The following NEK1 variants were observed in gnomAD, a reference collection of about 807,000 sequenced individuals.
The protein encoded by NEK1 is serine/threonine-protein kinase Nek1.
A neutral mutation model predicts 182.1 loss-of-function variants in NEK1; 137 were observed. That is an observed-to-expected ratio of 0.75 (90% CI 0.65 to 0.87). The LOEUF (loss-of-function observed/expected upper bound fraction) is 0.87. Ranked by LOEUF, NEK1 falls within the 40% of genes least tolerant of loss-of-function variation. NEK1 has a pLI of 0.00. For synonymous variants in NEK1, 513 were observed against 492.2 expected (o/e 1.04, Z -0.56); for missense variants, 1,391 against 1,494.4 (o/e 0.93, Z 1.14).
intron 18 of NEK1, among the ~76,000 whole-genome samples, chr4:169,546,370 T>C (rs535505626): frequency 6.6e-6 from 1 of 152,338 alleles, no homozygotes; most frequent in Admixed American, 6.5e-5. Flanking sequence ...TTTCCATTCT[T>C]TTGCATTTGC....
intron 26 of NEK1, among the ~76,000 whole-genome samples, chr4:169,476,112 A>G (rs1194840489): frequency 6.6e-6 from 1 of 152,180 alleles, no homozygotes; most frequent in Admixed American, 6.5e-5. Context: ...AGGAAGCATG[A>G]AGAAAACTAT....
At chr4:169,556,156 A>T in intron 16 of NEK1, 61 bp from the exon 17 acceptor site, 1 of 1,427,352 alleles carries the variant, frequency 7.0e-7, no homozygotes, top group South Asian at 1.4e-5. Context: ...GGCCTGTACT[A>T]GTCTCAAAAG....
intron 19 of NEK1, among the ~76,000 whole-genome samples, chr4:169,532,544 C>T (rs990210950): frequency 7.2e-5 from 11 of 151,998 alleles, no homozygotes; most frequent in Non-Finnish European, 1.0e-4. Context: ...GTGGTGATAA[C>T]GAGGGAGGCT....
chr4:169,480,739 T>A (rs1747840324), intron 23 of NEK1, among the ~76,000 whole-genome samples: 1 of 152,156 alleles, frequency 6.6e-6, no homozygotes, highest in Non-Finnish European at 1.5e-5. Flanking sequence ...TAAAAATATT[T>A]TTAAAATTCT....
intron 18 of NEK1, among the ~76,000 whole-genome samples, chr4:169,538,515 G>A (rs2149816261): frequency 6.6e-6 from 1 of 152,254 alleles, no homozygotes; most frequent in East Asian, 1.9e-4. Context: ...ATGAAAGAAT[G>A]TAAACATGCT....
In NEK1 at chr4:169,508,251, T is replaced by C. The variant is rs17544885; in HGVS notation, c.1830A>G (p.Glu610=). The C allele has an allele frequency of 0.053, 84,194 of 1,585,850 alleles. 2,433 individuals carry two copies. The highest frequency in any genetic ancestry group is 0.071 in the African/African-American group (5,224 of 73,980). ...RQQIKAKLRG[E]KKEANHSEGQ... is the part of the protein sequence containing the mutation. ...AAAAAATAGCTTTTCAACCTACCTT[T>C]TCACCACGAAGTTTGGCTTTAATCT... Residue 610 remains glutamate, a synonymous_variant, in exon 21 of 36, where the codon GAA becomes GAG. Coordinates refer to ENST00000507142, the MANE Select transcript of NEK1 (RefSeq NM_001199397.3).
At chr4:169,424,453 T>C (rs1285032972) in intron 31 of NEK1, 100 bp downstream of exon 31, 2 of 1,310,512 alleles carry the variant, frequency 1.5e-6, no homozygotes, top group African/African-American at 1.5e-5. Flanking sequence ...TGTTTGTGTC[T>C]GTGTTAAGAG....
At chr4:169,419,336 GA>G (rs1012373385) in intron 31 of NEK1, among the ~76,000 whole-genome samples, 93 of 146,460 alleles carry the variant, frequency 6.3e-4, no homozygotes, top group African/African-American at 2.2e-3. Context: ...AACAAAATCT[GA>G]AAAAAAAAAT....
chr4:169,533,021 T>G, intron 19 of NEK1, among the ~76,000 whole-genome samples: 1 of 152,124 alleles, frequency 6.6e-6, no homozygotes, highest in Non-Finnish European at 1.5e-5. Context: ...TGTCTCCAGA[T>G]GTAGGCTCTA....
At chr4:169,569,663 C>T (rs1164938458) in intron 12 of NEK1, among the ~76,000 whole-genome samples, 5 of 152,056 alleles carry the variant, frequency 3.3e-5, no homozygotes, top group African/African-American at 9.7e-5. Flanking sequence ...GACTGGTTTT[C>T]GTATTTTTTT....
At chr4:169,556,794 G>A (rs921454345) in intron 16 of NEK1, among the ~76,000 whole-genome samples, 1 of 151,642 alleles carries the variant, frequency 6.6e-6, no homozygotes, top group African/African-American at 2.4e-5. Context: ...AGGCCTTGGG[G>A]AGAGATATTG....
chr4:169,424,322 C>G (rs1735987132), intron 31 of NEK1, among the ~76,000 whole-genome samples: 1 of 151,974 alleles, frequency 6.6e-6, no homozygotes, highest in African/African-American at 2.4e-5. Context: ...GGACTTTTTG[C>G]TCAAGTAAAA....
At chr4:169,455,078 C>T (rs1251688993) in intron 27 of NEK1, among the ~76,000 whole-genome samples, 1 of 152,110 alleles carries the variant, frequency 6.6e-6, no homozygotes, top group Non-Finnish European at 1.5e-5. Context: ...ATCACAAGGA[C>T]AGAAAACCAA....
intron 28 of NEK1, among the ~76,000 whole-genome samples, chr4:169,437,485 G>T (rs1231288324): frequency 6.6e-6 from 1 of 152,152 alleles, no homozygotes; most frequent in Non-Finnish European, 1.5e-5. Flanking sequence ...GGTGGGTTCT[G>T]TTTGCCCTCC....
chr4:169,484,890 G>A (rs1354826581), intron 23 of NEK1, among the ~76,000 whole-genome samples: 1 of 152,152 alleles, frequency 6.6e-6, no homozygotes, highest in Non-Finnish European at 1.5e-5. Flanking sequence ...TTTACGTAAA[G>A]TACACATCTG....
chr4:169,419,069 C>T (rs761248986), intron 31 of NEK1, among the ~76,000 whole-genome samples: 1 of 152,094 alleles, frequency 6.6e-6, no homozygotes, highest in Non-Finnish European at 1.5e-5. Flanking sequence ...ACCTACCACA[C>T]TGCTAGTCCT....
intron 23 of NEK1, among the ~76,000 whole-genome samples, chr4:169,504,556 T>C (rs1166602081): frequency 1.3e-5 from 2 of 152,040 alleles, no homozygotes; most frequent in African/African-American, 2.4e-5. Context: ...AGCCATAAAA[T>C]AGAATGAGAT....
At chr4:169,490,593 G>A (rs1749883839) in intron 23 of NEK1, among the ~76,000 whole-genome samples, 2 of 148,078 alleles carry the variant, frequency 1.4e-5, no homozygotes, top group Admixed American at 6.6e-5. Flanking sequence ...AATAATCCAT[G>A]ATATGAATCA....
At position 169,394,312 on chromosome 4, in the gene NEK1, A is replaced by G. The variant is rs1253425658; in HGVS notation, c.*198T>C. On this transcript the variant is annotated 3_prime_UTR_variant, in exon 36 of 36. Transcript: ENST00000507142. The stretch of plus-strand genomic sequence containing the variant: ...TTATGAGATTTAACCATGGAATTCA[A>G]TGAACAAAATAGATAAAATATTAGA... 1.1e-5 allele frequency: 5 copies of G among 453,354 alleles called. No individual in the cohort carries two copies. The highest frequency in any genetic ancestry group is 2.0e-5 in the Non-Finnish European group (5 of 252,504). The allele number at this position is 453,354 out of a possible 1,614,324, so 28.1% of individuals were successfully genotyped here.
Sources: allele counts gnomAD v4.1 joint callset (sites outside exome capture counted in the v4.1 genomes callset), GRCh38; gene constraint gnomAD v4.1.1; transcripts MANE v1.5; gene names NCBI Gene and HGNC (gene_info 2026-07-23, HGNC 2026-07-21).